The following RERE variants were observed in gnomAD, a reference collection of about 807,000 sequenced individuals.
RERE encodes arginine-glutamic acid dipeptide repeats protein.
In RERE, 40 loss-of-function variants were observed where a neutral mutation model predicts 146.1. The observed-to-expected ratio is 0.27, with a 90% CI of 0.21 to 0.36. The LOEUF is 0.36. Ranked by LOEUF, RERE falls within the 10% of genes least tolerant of loss-of-function variation. The pLI is 1.00. For synonymous variants in RERE, 1,003 were observed against 866.0 expected, an observed-to-expected ratio of 1.16 and a Z score of -2.78; for missense variants, 1,933 against 2,138.7, an observed-to-expected ratio of 0.90 and a Z score of 1.90.
intron 12 of RERE, 143 bp downstream of exon 12, chr1:8,422,584 G>A: frequency 1.6e-6 from 1 of 611,160 alleles, no homozygotes; most frequent in Non-Finnish European, 3.0e-6. Flanking sequence ...AGTCAAGGGA[G>A]TAAAACGGAG....
intron 12 of RERE, among the ~76,000 whole-genome samples, chr1:8,416,066 T>C (rs1643749411): frequency 6.6e-6 from 1 of 152,208 alleles, no homozygotes; most frequent in African/African-American, 2.4e-5. Context: ...GAAAACACTG[T>C]GGTATTAAAC....
chr1:8,647,641 A>ATATGTGTGTGTGTGTGTGTGTGTG (rs371893375), intron 2 of RERE, among the ~76,000 whole-genome samples: 3 of 148,534 alleles, frequency 2.0e-5, no homozygotes, highest in African/African-American at 5.0e-5. Flanking sequence ...TAAAATATGT[A>ATATGTGTGTGTGTGTGTGTGTGTG]TGTGTGTGTG....
In RERE at chr1:8,786,637, A is replaced by G. The variant is rs1485799170; in HGVS notation, c.-145+30523T>C. On this transcript the variant is annotated intron_variant, in intron 1 of 22. Transcript: ENST00000400908. ...CAACACCTTTCAGACCTCTGGGCTC[A>G]CACCATTGGCACCTCTGGTCCTGAT... is the stretch of plus-strand genomic sequence containing the variant. 5.2e-6 allele frequency: 4 copies of G among 769,938 alleles called. No individual in the cohort carries two copies. In the African/African-American group the frequency reaches 6.8e-5, roughly 13 times the overall value. The allele number at this position is 769,938 out of a possible 1,614,324, so 47.7% of individuals were successfully genotyped here.
At chr1:8,457,852 C>A (rs1644471102) in intron 11 of RERE, among the ~76,000 whole-genome samples, 1 of 152,174 alleles carries the variant, frequency 6.6e-6, no homozygotes, top group Non-Finnish European at 1.5e-5. Context: ...CTCCCTGCCT[C>A]CGCCTCCCAA....
intron 11 of RERE, among the ~76,000 whole-genome samples, chr1:8,444,395 G>T (rs887061633): frequency 1.3e-5 from 2 of 152,244 alleles, no homozygotes; most frequent in Admixed American, 1.3e-4. Context: ...ACTTGTTTTT[G>T]ATTTTACAGG....
At chr1:8,774,035 T>C (rs1347558088) in intron 1 of RERE, among the ~76,000 whole-genome samples, 1 of 152,178 alleles carries the variant, frequency 6.6e-6, no homozygotes, top group Non-Finnish European at 1.5e-5. Context: ...TAATCCAGGG[T>C]GATGGCAACA....
chr1:8,519,509 T>C (rs958603551), intron 7 of RERE, among the ~76,000 whole-genome samples: 2 of 152,224 alleles, frequency 1.3e-5, no homozygotes, highest in Non-Finnish European at 2.9e-5. Context: ...TTAAATCTAA[T>C]TCCTTAGTTT....
At chr1:8,794,982 T>TCATG (rs1641440397) in intron 1 of RERE, among the ~76,000 whole-genome samples, 5 of 151,988 alleles carry the variant, frequency 3.3e-5, no homozygotes, top group Non-Finnish European at 7.4e-5. Flanking sequence ...CCAGCTAATA[T>TCATG]TTTTTATTAT....
intron 11 of RERE, among the ~76,000 whole-genome samples, chr1:8,441,619 G>A (rs148185518): frequency 1.4e-3 from 212 of 152,282 alleles, no homozygotes; most frequent in African/African-American, 4.8e-3. Context: ...GATAGATTGC[G>A]GAAAGTCATA....
rs1269710840 is a variant in RERE, at chr1:8,564,870, G to GTGTGTGTA, written c.523-7348_523-7347insTACACACA. ...TGTGTGTGTGTGTGTGTGTGTGTGT[G>GTGTGTGTA]TATATATATATATAAAACTACTATT... On this transcript the variant is annotated intron_variant, in intron 4 of 22. Coordinates refer to ENST00000400908, the MANE Select transcript of RERE (RefSeq NM_001042681.2). Among the ~76,000 whole-genome samples the GTGTGTGTA allele has an allele frequency of 3.4e-3, 438 of 127,362 alleles. 1 individual carries two copies. Among genetic ancestry groups the GTGTGTGTA allele is most frequent in the East Asian group, 8.6e-3 (42 of 4,910 alleles). The allele number at this position is 127,362 out of a possible 152,430, so 83.6% of individuals were successfully genotyped here. A position where few individuals can be genotyped will look rare whatever the true frequency, so the allele number is the denominator to read the frequency against.
chr1:8,772,231 T>A (rs1431713337), intron 1 of RERE, among the ~76,000 whole-genome samples: 1 of 151,402 alleles, frequency 6.6e-6, no homozygotes, highest in African/African-American at 2.4e-5. Context: ...CATATGCTTA[T>A]TTTTTTTAAT....
chr1:8,413,366 T>C (rs1180915691), intron 12 of RERE, among the ~76,000 whole-genome samples: 1 of 152,186 alleles, frequency 6.6e-6, no homozygotes, highest in Non-Finnish European at 1.5e-5. Context: ...GTTGTTGTTT[T>C]TGAGACTACT....
intron 1 of RERE, among the ~76,000 whole-genome samples, chr1:8,710,316 C>T (rs1450752168): frequency 6.6e-6 from 1 of 152,052 alleles, no homozygotes. Flanking sequence ...TTGCAGTCTA[C>T]GTAATATACT....
At chr1:8,615,379 A>ATG (rs1267870292) in intron 3 of RERE, among the ~76,000 whole-genome samples, 25 of 152,238 alleles carry the variant, frequency 1.6e-4, no homozygotes, top group African/African-American at 5.8e-4. Flanking sequence ...CTAGTTTAGT[A>ATG]TGTATCACGT....
intron 12 of RERE, among the ~76,000 whole-genome samples, chr1:8,404,684 A>C (rs1481412654): frequency 6.6e-6 from 1 of 152,250 alleles, no homozygotes; most frequent in Admixed American, 6.5e-5. Context: ...GAGACAGAGA[A>C]GAAGAGTCCT....
At chr1:8,587,578 A>G (rs1646441169) in intron 4 of RERE, among the ~76,000 whole-genome samples, 1 of 152,104 alleles carries the variant, frequency 6.6e-6, no homozygotes, top group Admixed American at 6.6e-5. Flanking sequence ...TAGCTTCCCA[A>G]TTTGCTCTAT....
chr1:8,760,375 A>G (rs72857207), intron 1 of RERE, among the ~76,000 whole-genome samples: 14 of 152,286 alleles, frequency 9.2e-5, no homozygotes, highest in African/African-American at 3.1e-4. Context: ...ATTTATATCA[A>G]TCACCACAGT....
At chr1:8,653,016 T>C (rs2124323189) in intron 2 of RERE, among the ~76,000 whole-genome samples, 2 of 152,190 alleles carry the variant, frequency 1.3e-5, no homozygotes, top group South Asian at 4.1e-4. Context: ...TGTTTGTGGT[T>C]TGTTGGTTTA....
Position 8,358,583 on chromosome 1 carries a change from C to CA in RERE, c.3951_3952insT (p.Glu1318Ter). ...CCCGGCTTCATCCTCTCCCGCAGCT[C>CA]CCGCTCTCGGATCTCCCGCTCTCGG... is the stretch of plus-strand genomic sequence containing the variant. On this transcript the variant is annotated frameshift_variant, in exon 20 of 23. Transcript: ENST00000400908. LOFTEE classifies it high-confidence loss of function. The CA allele has an allele frequency of 6.2e-7, 1 of 1,604,126 alleles. No homozygotes were observed. The highest frequency in any genetic ancestry group is 8.5e-7 in the Non-Finnish European group (1 of 1,175,574).
Sources: allele counts gnomAD v4.1 joint callset (sites outside exome capture counted in the v4.1 genomes callset), GRCh38; gene constraint gnomAD v4.1.1; transcripts MANE v1.5; gene names NCBI Gene and HGNC (gene_info 2026-07-23, HGNC 2026-07-21).